SLC25A27: variants seen among roughly 807,000 people sequenced by gnomAD.
The protein encoded by SLC25A27 is mitochondrial uncoupling protein 4.
Under a neutral mutation model 49.1 loss-of-function variants are expected in SLC25A27, and 35 were observed. That is an observed-to-expected ratio of 0.71 (90% CI 0.54 to 0.95). The LOEUF (loss-of-function observed/expected upper bound fraction) is 0.95, where lower values mean the gene tolerates loss of function less well. SLC25A27 is among the 40% of genes least tolerant of loss of function. The pLI, the probability that SLC25A27 is intolerant of heterozygous loss-of-function variation, is 0.00. For synonymous variants in SLC25A27, 144 were observed against 136.9 expected, an observed-to-expected ratio of 1.05 and a Z score of -0.36; for missense variants, 339 against 397.1, an observed-to-expected ratio of 0.85 and a Z score of 1.24.
intron 8 of SLC25A27, among the ~76,000 whole-genome samples, chr6:46,671,450 G>A (rs1324221863): frequency 2.0e-5 from 3 of 151,746 alleles, no homozygotes; most frequent in East Asian, 1.9e-4. Context: ...ATCCATTGAC[G>A]AATAAGTTGA....
chr6:46,660,465 G>A (rs1323045695), intron 3 of SLC25A27, among the ~76,000 whole-genome samples: 4 of 152,098 alleles, frequency 2.6e-5, no homozygotes, highest in South Asian at 4.1e-4. Context: ...ATTTTTGAAC[G>A]TGTAACCCCT....
chr6:46,653,036 G>A lies in SLC25A27; in HGVS notation c.-157G>A. On this transcript the variant is annotated 5_prime_UTR_variant, in exon 1 of 9. Transcript: ENST00000371347. ...CCACTCCAGCTGGGACTGCTAGGAA[G>A]GTTGCGGGTCCACCCGGCCGAGCCG... is the stretch of plus-strand genomic sequence containing the variant. The A allele has an allele frequency of 1.5e-6, 1 of 671,842 alleles. No individual in the cohort carries two copies. The highest frequency in any genetic ancestry group is 2.6e-6 in the Non-Finnish European group (1 of 388,590). The allele number at this position is 671,842 out of a possible 1,614,324, so 41.6% of individuals were successfully genotyped here.
At chr6:46,662,551 T>C in intron 4 of SLC25A27, 53 bp downstream of exon 4, 1 of 1,584,364 alleles carries the variant, frequency 6.3e-7, no homozygotes, top group Non-Finnish European at 8.6e-7. Flanking sequence ...CACCGTCATA[T>C]TTTTAACAAG....
intron 1 of SLC25A27, chr6:46,653,579 T>C: frequency 2.0e-6 from 2 of 985,462 alleles, no homozygotes; most frequent in Non-Finnish European, 2.4e-6. Context: ...GTCATTCCTC[T>C]GTAGGAATCA....
At position 46,676,459 on chromosome 6, in the gene SLC25A27, C is replaced by G; in HGVS notation, c.*5C>G. Reference sequence around the variant, plus strand: ...AGTGGAGTCAGTCCATTTTAAACCCCTAAAGATGCAACCCTTAAAGATACA... The same window carrying G: ...AGTGGAGTCAGTCCATTTTAAACCCGTAAAGATGCAACCCTTAAAGATACA... On this transcript the variant is annotated 3_prime_UTR_variant, in exon 9 of 9. Transcript: ENST00000371347. The G allele has an allele frequency of 6.2e-7, 1 of 1,613,892 alleles. No homozygotes were observed. Among genetic ancestry groups the G allele is most frequent in the Non-Finnish European group, 8.5e-7 (1 of 1,179,826 alleles).
chr6:46,675,036 A>C (rs1763715301), intron 8 of SLC25A27, among the ~76,000 whole-genome samples: 1 of 152,200 alleles, frequency 6.6e-6, no homozygotes, highest in Admixed American at 6.5e-5. Context: ...CATAGTGCCC[A>C]CATGTGCTAC....
chr6:46,655,531 G>GTTTT (rs1283936753), intron 1 of SLC25A27, among the ~76,000 whole-genome samples: 2 of 98,548 alleles, frequency 2.0e-5, no homozygotes, highest in African/African-American at 7.4e-5. Context: ...TATTGTTAAT[G>GTTTT]TTTGTTTTTT....
intron 7 of SLC25A27, chr6:46,670,512 C>A: frequency 3.0e-6 from 1 of 329,884 alleles, no homozygotes; most frequent in East Asian, 8.7e-5. Context: ...ATTTACAGAG[C>A]ACTTTCTTCA....
At chr6:46,672,225 T>C (rs1327096635) in intron 8 of SLC25A27, among the ~76,000 whole-genome samples, 2 of 151,734 alleles carry the variant, frequency 1.3e-5, no homozygotes, top group African/African-American at 4.8e-5. Flanking sequence ...ACATTCTCTA[T>C]AGAGGGACAG....
Position 46,671,228 on chromosome 6 carries a change from G to A in SLC25A27, c.900G>A (p.Met300Ile). 2 of 1,488,882 alleles carry A rather than the reference G, an allele frequency of 1.3e-6. No individual in the cohort carries two copies. The highest frequency in any genetic ancestry group is 1.8e-6 in the Non-Finnish European group (2 of 1,101,324). The allele number at this position is 1,488,882 out of a possible 1,614,324, so 92.2% of individuals were successfully genotyped here. A position where few individuals can be genotyped will look rare whatever the true frequency, so the allele number is the denominator to read the frequency against. ...YKGFLPSWLR[M>I]TPWSMVFWLT... The stretch of plus-strand genomic sequence containing the variant: ...GCTTTTTACCATCTTGGCTGAGAAT[G>A]GTAAAGTTAGGTTTACTTCCTTTGT... Residue 300 changes from methionine (M) to isoleucine (I), a missense_variant and splice_region_variant, in exon 8 of 9, where the codon ATG becomes ATA. Physicochemically the swap from Met to Ile is conservative, Grantham distance 10. Coordinates refer to ENST00000371347, the MANE Select transcript of SLC25A27 (RefSeq NM_004277.5).
chr6:46,664,273 A>G (rs1763255054), intron 4 of SLC25A27, among the ~76,000 whole-genome samples: 1 of 152,204 alleles, frequency 6.6e-6, no homozygotes, highest in African/African-American at 2.4e-5. Context: ...AATTTTTTTG[A>G]AGCTAAAATT....
At position 46,653,362 on chromosome 6, in the gene SLC25A27, C is replaced by G. The variant is rs1235143091; in HGVS notation, c.106+64C>G. On this transcript the variant is annotated intron_variant, in intron 1 of 8. Transcript: ENST00000371347. ...GCACGCGCCGCGCTGGGGGAGGGTG[C>G]GCGGGCGGCTTCGCGCCCGGCAGTG... is the stretch of plus-strand genomic sequence containing the variant. The G allele has an allele frequency of 3.3e-6, 5 of 1,518,604 alleles. No homozygotes were observed. The East Asian group carries it at 1.2e-4, about 37-fold the overall frequency. 94.1% of individuals were successfully genotyped at this position (1,518,604 alleles called of 1,614,324 possible). A position where few individuals can be genotyped will look rare whatever the true frequency, so the allele number is the denominator to read the frequency against.
rs1763819125 is a variant in SLC25A27, at chr6:46,676,991, C to A, written c.*537C>A. ...AGGTGAATGGAAATTAATGAATAAA[C>A]ATTTTGAGTTTCCCTAGTGTTGAAG... On this transcript the variant is annotated 3_prime_UTR_variant, in exon 9 of 9. Coordinates refer to ENST00000371347, the MANE Select transcript of SLC25A27 (RefSeq NM_004277.5). The A allele has an allele frequency of 6.5e-6, 2 of 309,590 alleles. No individual in the cohort carries two copies. The highest frequency in any genetic ancestry group is 1.2e-5 in the Non-Finnish European group (2 of 168,890). 19.2% of individuals were successfully genotyped at this position (309,590 alleles called of 1,614,324 possible).
chr6:46,671,088 C>A, intron 7 of SLC25A27, 38 bp from the exon 8 acceptor site: 1 of 1,332,752 alleles, frequency 7.5e-7, no homozygotes, highest in Non-Finnish European at 1.1e-6. Flanking sequence ...TATTTTTTTA[C>A]ACAGAAAAAA....
At chr6:46,665,428 G>A (rs995422851) in intron 5 of SLC25A27, among the ~76,000 whole-genome samples, 2 of 151,954 alleles carry the variant, frequency 1.3e-5, no homozygotes, top group Non-Finnish European at 2.9e-5. Context: ...GCTCACACCT[G>A]TAATCCCAGG....
chr6:46,653,148 C>T lies in SLC25A27; in HGVS notation c.-45C>T. 1 of 1,563,532 alleles carries T rather than the reference C, an allele frequency of 6.4e-7. No homozygotes were observed. The highest frequency in any genetic ancestry group is 2.3e-5 in the East Asian group (1 of 44,232). On this transcript the variant is annotated 5_prime_UTR_variant, in exon 1 of 9. Coordinates refer to ENST00000371347, the MANE Select transcript of SLC25A27 (RefSeq NM_004277.5). ...AAGCGGCCGCCGCGGCGCGGTGCAGCGCAGCGGCGAGAAGGAGTGCGTTAT... is the reference window on the plus strand; with the variant it reads ...AAGCGGCCGCCGCGGCGCGGTGCAGTGCAGCGGCGAGAAGGAGTGCGTTAT...
chr6:46,676,668 G>A lies in SLC25A27; in HGVS notation c.*214G>A. 1 of 1,550,738 alleles carries A rather than the reference G, an allele frequency of 6.4e-7. No homozygotes were observed. Among genetic ancestry groups the A allele is most frequent in the Non-Finnish European group, 8.7e-7 (1 of 1,146,954 alleles). ...AAAGTGATCTGGTCGGATCTCACAA[G>A]GCCATCCAATGAGACCCCGCACAGC... On this transcript the variant is annotated 3_prime_UTR_variant, in exon 9 of 9. Coordinates refer to ENST00000371347, the MANE Select transcript of SLC25A27 (RefSeq NM_004277.5).
chr6:46,666,369 C>T (rs1032982011), intron 5 of SLC25A27, among the ~76,000 whole-genome samples: 1 of 152,076 alleles, frequency 6.6e-6, no homozygotes, highest in Non-Finnish European at 1.5e-5. Context: ...GACCCTCATA[C>T]GTAGTCAATA....
intron 5 of SLC25A27, 150 bp downstream of exon 5, chr6:46,665,036 C>A (rs1763278916): frequency 2.2e-6 from 1 of 454,826 alleles, no homozygotes; most frequent in East Asian, 3.4e-5. Context: ...TAGGTCATAA[C>A]TGAATATTTT....
Sources: gnomAD v4.1 joint callset for allele counts (sites outside exome capture counted in the v4.1 genomes callset) on GRCh38, gnomAD v4.1.1 for gene constraint, MANE v1.5 for transcripts, NCBI Gene and HGNC (gene_info 2026-07-23, HGNC 2026-07-21) for gene names.